The following NIN variants were observed in gnomAD, a reference collection of about 807,000 sequenced individuals.
NIN encodes ninein, also known as glycogen synthase kinase 3 beta-interacting protein.
NIN carries 137 observed loss-of-function variants against 257.6 expected under a neutral mutation model. The observed-to-expected ratio is 0.53, with a 90% CI of 0.46 to 0.61. The LOEUF is 0.61. Ranked by LOEUF, NIN falls within the 20% of genes least tolerant of loss-of-function variation. NIN has a pLI of 0.00. For missense variants in NIN, 2,439 were observed against 2,501.2 expected (o/e 0.98, Z 0.53); for synonymous variants, 918 against 919.8 (o/e 1.00, Z 0.04).
chr14:50,736,779 A>G lies in NIN; in HGVS notation c.5776-1162T>C, dbSNP rs1457199708. ...GGTCTTCTTACTGCAAATGGTCATG[A>G]TAACTTTCACAAAAAACAAAAATTT... On this transcript the variant is annotated intron_variant, in intron 27 of 30. Coordinates refer to ENST00000530997, the MANE Select transcript of NIN (RefSeq NM_020921.4). Among the ~76,000 whole-genome samples, 3 of 152,248 alleles carry G rather than the reference A, an allele frequency of 2.0e-5. 1 individual carries two copies. The highest frequency in any genetic ancestry group is 4.1e-4 in the South Asian group (2 of 4,836).
At chr14:50,804,780 T>C (rs57463998) in intron 4 of NIN, among the ~76,000 whole-genome samples, 3 of 152,188 alleles carry the variant, frequency 2.0e-5, no homozygotes, top group East Asian at 3.9e-4. Context: ...ACACTAATGA[T>C]TGCTGATGAG....
In NIN at chr14:50,759,963, A is replaced by G; in HGVS notation, c.2293T>C (p.Phe765Leu). 6.2e-7 allele frequency: 1 copy of G among 1,613,994 alleles called. No homozygotes were observed. Among genetic ancestry groups the G allele is most frequent in the Admixed American group, 1.7e-5 (1 of 60,014 alleles). ...VRGLTQELEQ[F>L]HQEQLTSLVE... Reference sequence around the variant, plus strand: ...AGGCTTGTCAGCTGCTCCTGGTGAAACTGCTCTAGTTCCTGAGTCAAGCCT... The same window carrying G: ...AGGCTTGTCAGCTGCTCCTGGTGAAGCTGCTCTAGTTCCTGAGTCAAGCCT... The change falls in exon 17 of 31, where the codon TTT becomes CTT. Residue 765 changes from phenylalanine (F) to leucine (L), a missense_variant. By Grantham distance (22) the Phe-to-Leu change is conservative. This residue lies in a region of NIN where 2,043 missense variants were observed against 2,050.2 expected (regional missense o/e 1.00). Coordinates refer to ENST00000530997, the MANE Select transcript of NIN (RefSeq NM_020921.4).
At chr14:50,791,799 G>A (rs2043600950) in intron 5 of NIN, among the ~76,000 whole-genome samples, 1 of 50,996 alleles carries the variant, frequency 2.0e-5, no homozygotes, top group Non-Finnish European at 4.6e-5. Context: ...GAACACACAG[G>A]TGCACGCGCA....
rs768686301 is a variant in NIN, at chr14:50,748,076, C to T, written c.4980G>A (p.Ala1660=). 4.7e-5 allele frequency: 76 copies of T among 1,613,454 alleles called. 1 individual carries two copies. The South Asian group carries it at 4.7e-4, about 10-fold the overall frequency. Residue 1660 remains alanine (A), a synonymous_variant, in exon 22 of 31, where the codon GCG becomes GCA. Transcript: ENST00000530997. ...TCTGTATTTTAACTTCAGAGAGCTC[C>T]GCCTCCAGAGAAGACACTAAAGTGG... is the stretch of plus-strand genomic sequence containing the variant. The part of the protein sequence containing the change: ...QSSTLVSSLE[A]ELSEVKIQTH...
Position 50,744,248 on chromosome 14 carries a change from C to G in NIN, c.5182G>C (p.Asp1728His). The change falls in exon 23 of 31, where the codon GAT becomes CAT. Residue 1728 changes from aspartate to histidine, a missense_variant. Physicochemically the swap from Asp to His is moderately conservative, Grantham distance 81 (BLOSUM62 -1). Around this residue, in one of 3 missense-constraint regions of NIN, gnomAD observed 2,043 missense variants for 2,050.2 expected, o/e 1.00. Coordinates refer to ENST00000530997, the MANE Select transcript of NIN (RefSeq NM_020921.4). The part of the protein sequence containing the change: ...ALSEELNSCV[D>H]KLAKSSLLEH... ...AGTCTTATTACTTCTACTACCTTAT[C>G]GACACAGCTATTTAATTCCTCACTC... The G allele has an allele frequency of 6.2e-7, 1 of 1,613,638 alleles. No individual in the cohort carries two copies. The highest frequency in any genetic ancestry group is 8.5e-7 in the Non-Finnish European group (1 of 1,179,704).
intron 22 of NIN, among the ~76,000 whole-genome samples, chr14:50,747,045 T>C (rs556839944): frequency 2.6e-5 from 4 of 152,174 alleles, no homozygotes; most frequent in Non-Finnish European, 5.9e-5. Flanking sequence ...TGTAGAGATA[T>C]GGTTTTGTCC....
intron 2 of NIN, among the ~76,000 whole-genome samples, chr14:50,828,030 T>C (rs2045542736): frequency 6.7e-6 from 1 of 149,748 alleles, no homozygotes; most frequent in Non-Finnish European, 1.5e-5. Flanking sequence ...CCTGGCACAA[T>C]GTGCATTCAG....
At chr14:50,755,465 G>GTT (rs548705356) in intron 18 of NIN, among the ~76,000 whole-genome samples, 4 of 141,620 alleles carry the variant, frequency 2.8e-5, no homozygotes, top group South Asian at 4.5e-4. Flanking sequence ...TAGTTTACAA[G>GTT]TTTTTTTTTT....
chr14:50,746,220 A>C (rs1236564889), intron 22 of NIN, among the ~76,000 whole-genome samples: 1 of 152,176 alleles, frequency 6.6e-6, no homozygotes, highest in Non-Finnish European at 1.5e-5. Flanking sequence ...CAGGCTTTCA[A>C]AAAGTCAAGG....
chr14:50,816,581 C>T (rs1364321769), intron 3 of NIN, among the ~76,000 whole-genome samples: 1 of 152,092 alleles, frequency 6.6e-6, no homozygotes, highest in African/African-American at 2.4e-5. Flanking sequence ...AGGATCCCAT[C>T]CTGGCACTGA....
Position 50,771,373 on chromosome 14 carries a change from C to T in NIN, c.1077G>A (p.Gln359=). The change falls in exon 10 of 31, where the codon CAG becomes CAA. Residue 359 remains glutamine, a synonymous_variant. Transcript: ENST00000530997. The part of the protein sequence containing the change: ...ELLVTKNSIH[Q]AALASFKAEI... Reference sequence around the variant, plus strand: ...CAGCCTTAAAGCTGGCCAGAGCCGCCTGGTGAATGCTGTTCTTGGTAACCA... The same window carrying T: ...CAGCCTTAAAGCTGGCCAGAGCCGCTTGGTGAATGCTGTTCTTGGTAACCA... The T allele has an allele frequency of 6.2e-7, 1 of 1,614,210 alleles. No homozygotes were observed. Among genetic ancestry groups the T allele is most frequent in the Non-Finnish European group, 8.5e-7 (1 of 1,180,036 alleles).
intron 18 of NIN, among the ~76,000 whole-genome samples, chr14:50,755,605 A>G (rs1715434099): frequency 6.7e-6 from 1 of 150,316 alleles, no homozygotes; most frequent in Admixed American, 6.6e-5. Context: ...GAGGCTCCTC[A>G]AATTATATGT....
At chr14:50,789,697 G>A (rs532310242) in intron 5 of NIN, among the ~76,000 whole-genome samples, 1 of 152,300 alleles carries the variant, frequency 6.6e-6, no homozygotes, top group Admixed American at 6.5e-5. Context: ...ACACTCTGCA[G>A]CTGGGGGCCA....
chr14:50,737,133 C>T (rs2041018010), intron 27 of NIN, among the ~76,000 whole-genome samples: 1 of 152,170 alleles, frequency 6.6e-6, no homozygotes, highest in Admixed American at 6.5e-5. Flanking sequence ...TGGTATGTCA[C>T]TCGCAGGATT....
chr14:50,776,472 G>T (rs182030793), intron 7 of NIN, among the ~76,000 whole-genome samples: 2 of 152,296 alleles, frequency 1.3e-5, no homozygotes, highest in East Asian at 3.9e-4. Context: ...CAGCAAGCAA[G>T]ATTTTTCTAT....
chr14:50,766,400 G>C lies in NIN; in HGVS notation c.1546-4C>G, dbSNP rs753831670. On this transcript the variant is annotated splice_polypyrimidine_tract_variant and splice_region_variant and intron_variant, in intron 13 of 30. Transcript: ENST00000530997. ...TGCTAGGATCGAGGTCACCAAACTA[G>C]AAGGGGAAAAGGGCAAAGCTGTCAT... is the stretch of plus-strand genomic sequence containing the variant. 11 of 1,613,794 alleles carry C rather than the reference G, an allele frequency of 6.8e-6. No individual in the cohort carries two copies. In the African/African-American group the frequency reaches 1.2e-4, roughly 18 times the overall value.
At chr14:50,798,311 T>C (rs1399079677) in intron 4 of NIN, among the ~76,000 whole-genome samples, 3 of 152,192 alleles carry the variant, frequency 2.0e-5, no homozygotes, top group Non-Finnish European at 4.4e-5. Flanking sequence ...CTTAGCCACC[T>C]GAATGATGCT....
At chr14:50,751,118 C>G (rs948408375) in intron 21 of NIN, among the ~76,000 whole-genome samples, 1 of 152,148 alleles carries the variant, frequency 6.6e-6, no homozygotes, top group Non-Finnish European at 1.5e-5. Context: ...AACAGCTGCA[C>G]AGTACTACTT....
At chr14:50,752,212 G>A (rs994687103) in intron 21 of NIN, among the ~76,000 whole-genome samples, 4 of 150,908 alleles carry the variant, frequency 2.7e-5, no homozygotes, top group African/African-American at 7.3e-5. Context: ...CCTTGTGCAT[G>A]GAATGAAACA....
Sources: gnomAD v4.1 joint callset for allele counts (sites outside exome capture counted in the v4.1 genomes callset) on GRCh38, gnomAD v4.1.1 for gene constraint, gnomAD v4.1.1 regional missense constraint, MANE v1.5 for transcripts, NCBI Gene and HGNC (gene_info 2026-07-23, HGNC 2026-07-21) for gene names.